Variants in MAPK10 observed in about 807,000 individuals in gnomAD.
MAPK10 encodes the protein mitogen-activated protein kinase 10, also known as JNK3 alpha protein kinase.
MAPK10 carries 25 observed loss-of-function variants against 59.3 expected under a neutral mutation model. The ratio of observed to expected loss-of-function variants is 0.42; its 90% CI spans 0.31 to 0.59. The LOEUF (loss-of-function observed/expected upper bound fraction) is 0.59. MAPK10 is among the 20% of genes least tolerant of loss of function. MAPK10 has a pLI of 0.15. For synonymous variants in MAPK10, 190 were observed against 200.5 expected, an observed-to-expected ratio of 0.95 and a Z score of 0.44; for missense variants, 351 against 568.9, an observed-to-expected ratio of 0.62 and a Z score of 3.90.
intron 1 of MAPK10, among the ~76,000 whole-genome samples, chr4:86,367,012 A>C (rs1738008599): frequency 1.3e-5 from 2 of 152,186 alleles, no homozygotes; most frequent in Middle Eastern, 3.2e-3. Flanking sequence ...TCTAGAATAG[A>C]CTTGAACCCT....
chr4:86,408,077 C>G (rs550547644), intron 1 of MAPK10, among the ~76,000 whole-genome samples: 17 of 149,022 alleles, frequency 1.1e-4, no homozygotes, highest in African/African-American at 3.7e-4. Flanking sequence ...GACAAGCCCC[C>G]GTGTGATGTT....
chr4:86,372,565 AAAGAAAAG>A (rs1739039682), intron 1 of MAPK10, among the ~76,000 whole-genome samples: 2 of 9,736 alleles, frequency 2.1e-4, no homozygotes, highest in Admixed American at 1.4e-3. Context: ...AGAAAGAAAG[AAAGAAAAG>A]AAAAGAAAAG....
intron 2 of MAPK10, chr4:86,332,546 C>T (rs573247421): frequency 9.8e-5 from 15 of 152,300 alleles, no homozygotes; most frequent in Admixed American, 5.9e-4. Flanking sequence ...AGTCCACCTT[C>T]GTATGGAGGC....
chr4:86,571,343 T>C (rs1761436638), intron 1 of MAPK10, among the ~76,000 whole-genome samples: 1 of 150,626 alleles, frequency 6.6e-6, no homozygotes, highest in African/African-American at 2.4e-5. Context: ...TGTGTGTGTG[T>C]GTGTGTGTGT....
chr4:86,378,232 C>A (rs1052690267), intron 1 of MAPK10, among the ~76,000 whole-genome samples: 5 of 152,202 alleles, frequency 3.3e-5, no homozygotes, highest in Admixed American at 6.5e-5. Flanking sequence ...CATGCTCCAA[C>A]TCCTAGCTCC....
chr4:86,163,571 C>A (rs2070587200), intron 3 of MAPK10, among the ~76,000 whole-genome samples: 1 of 152,042 alleles, frequency 6.6e-6, no homozygotes, highest in South Asian at 2.1e-4. Flanking sequence ...GCATGCTTAG[C>A]CAATACTTGG....
At chr4:86,277,017 C>T (rs1260258216) in intron 2 of MAPK10, 1 of 152,144 alleles carries the variant, frequency 6.6e-6, no homozygotes, top group Non-Finnish European at 1.5e-5. Context: ...GAGACCATAT[C>T]ATCTCTTCCC....
At chr4:86,297,296 TTTTG>T (rs914771495) in intron 2 of MAPK10, among the ~76,000 whole-genome samples, 65 of 152,162 alleles carry the variant, frequency 4.3e-4, no homozygotes, top group African/African-American at 1.2e-3. Context: ...TATATAGAGT[TTTTG>T]TTTGTTTGTT....
rs539012707 is a variant in MAPK10 at position 86,325,169 on chromosome 4, C to T, written c.-7+29361G>A. 1.8e-3 allele frequency among the ~76,000 whole-genome samples: 276 copies of T among 152,204 alleles called. 2 individuals carry two copies. Among genetic ancestry groups the T allele is most frequent in the Non-Finnish European group, 3.3e-3 (226 of 68,000 alleles). On this transcript the variant is annotated intron_variant, in intron 2 of 13. Transcript: ENST00000641462. Reference sequence around the variant, plus strand: ...AAATACTCATAAAAAAAATAAAGCACGCCACACCAATAATTAAGTAACCAG... The same window carrying T: ...AAATACTCATAAAAAAAATAAAGCATGCCACACCAATAATTAAGTAACCAG...
Position 86,148,282 on chromosome 4 carries a change from G to A in MAPK10, c.236+11016C>T. ...CCCCATAACTGAAATGTGAAAATGA[G>A]AGCAATTTCCCAGGGATTCCCAGGG... On this transcript the variant is annotated intron_variant, in intron 4 of 13. Transcript: ENST00000641462. Among the ~76,000 whole-genome samples, 2 of 152,138 alleles carry A rather than the reference G, an allele frequency of 1.3e-5. 1 individual carries two copies. The highest frequency in any genetic ancestry group is 2.9e-5 in the Non-Finnish European group (2 of 68,028).
chr4:86,038,769 C>T (rs1001096455), intron 11 of MAPK10, among the ~76,000 whole-genome samples: 3 of 152,086 alleles, frequency 2.0e-5, no homozygotes, highest in Non-Finnish European at 2.9e-5. Flanking sequence ...CAAAATGGAG[C>T]TCAGTATTTG....
upstream of MAPK10, among the ~76,000 whole-genome samples, chr4:86,361,918 T>C (rs1308548146): frequency 6.6e-6 from 1 of 152,126 alleles, no homozygotes; most frequent in Non-Finnish European, 1.5e-5. Flanking sequence ...GGGACATTGG[T>C]TAATAGGTAC....
intron 1 of MAPK10, among the ~76,000 whole-genome samples, chr4:86,489,054 A>C (rs1477044205): frequency 6.6e-6 from 1 of 152,208 alleles, no homozygotes; most frequent in Non-Finnish European, 1.5e-5. Context: ...CCACTGGAGG[A>C]GAACCAAGAT....
At chr4:86,338,069 AC>A (rs771745756) in intron 2 of MAPK10, among the ~76,000 whole-genome samples, 17 of 152,214 alleles carry the variant, frequency 1.1e-4, no homozygotes, top group Non-Finnish European at 1.9e-4. Flanking sequence ...TTGAGAATCT[AC>A]AGAGCACATT....
intron 1 of MAPK10, among the ~76,000 whole-genome samples, chr4:86,573,159 A>G (rs1194248535): frequency 6.6e-6 from 1 of 152,080 alleles, no homozygotes; most frequent in Non-Finnish European, 1.5e-5. Context: ...TAATTTTCCA[A>G]TTTTTTAATA....
intron 3 of MAPK10, among the ~76,000 whole-genome samples, chr4:86,165,517 T>TAGGCACATG (rs1487367623): frequency 3.1e-4 from 46 of 146,812 alleles, no homozygotes; most frequent in African/African-American, 1.1e-3. Context: ...GCTGATACTA[T>TAGGCACATG]AGGCACATGC....
intron 1 of MAPK10, among the ~76,000 whole-genome samples, chr4:86,576,490 G>C (rs1761899157): frequency 6.6e-6 from 1 of 152,062 alleles, no homozygotes; most frequent in Admixed American, 6.6e-5. Flanking sequence ...ACGGCCTATA[G>C]TAGGCCGGGC....
chr4:86,376,078 A>G (rs188130733), intron 1 of MAPK10, among the ~76,000 whole-genome samples: 3 of 152,296 alleles, frequency 2.0e-5, no homozygotes, highest in Admixed American at 1.3e-4. Flanking sequence ...GAGATATGCC[A>G]ACTAAAACTT....
chr4:86,489,904 GC>G (rs1478912749), intron 1 of MAPK10, among the ~76,000 whole-genome samples: 3 of 151,950 alleles, frequency 2.0e-5, no homozygotes, highest in Admixed American at 1.3e-4. Context: ...TCTTCAAAGG[GC>G]CCTTTTTTCT....
Sources: allele counts gnomAD v4.1 joint callset (sites outside exome capture counted in the v4.1 genomes callset), GRCh38; gene constraint gnomAD v4.1.1; transcripts MANE v1.5; gene names NCBI Gene and HGNC (gene_info 2026-07-23, HGNC 2026-07-21).